SLC22A4: variants seen among roughly 807,000 people sequenced by gnomAD.
SLC22A4 encodes solute carrier family 22 member 4, also known as ET transporter.
Under a neutral mutation model 56.6 loss-of-function variants are expected in SLC22A4, and 39 were observed. That is an observed-to-expected ratio of 0.69 (90% CI 0.53 to 0.90). The LOEUF is 0.90. Ranked by LOEUF, SLC22A4 falls within the 40% of genes least tolerant of loss-of-function variation. SLC22A4 has a pLI of 0.00. For missense variants in SLC22A4, 594 were observed against 696.5 expected, an observed-to-expected ratio of 0.85 and a Z score of 1.66; for synonymous variants, 241 against 281.4, an observed-to-expected ratio of 0.86 and a Z score of 1.44.
intron 1 of SLC22A4, among the ~76,000 whole-genome samples, chr5:132,299,686 T>C (rs1048156275): frequency 6.6e-6 from 1 of 152,190 alleles, no homozygotes; most frequent in Non-Finnish European, 1.5e-5. Flanking sequence ...ACTCCTGACC[T>C]AAGGTGATCC....
At chr5:132,296,620 A>T (rs1240334467) in intron 1 of SLC22A4, among the ~76,000 whole-genome samples, 1 of 152,212 alleles carries the variant, frequency 6.6e-6, no homozygotes, top group Admixed American at 6.5e-5. Context: ...TAAGGTGGCC[A>T]TGCTTCTCTG....
rs1055472735 is a variant in SLC22A4, at chr5:132,301,992, G to T, written c.393+6983G>T. On this transcript the variant is annotated intron_variant, in intron 1 of 9. Coordinates refer to ENST00000200652, the MANE Select transcript of SLC22A4 (RefSeq NM_003059.3). ...GGGGGCCTCTGGCTCCAGCCAGCCC[G>T]GCGAGACTTCTATTTCCAGTCAATG... 1.3e-5 allele frequency among the ~76,000 whole-genome samples: 2 copies of T among 152,224 alleles called. 1 individual carries two copies. The highest frequency in any genetic ancestry group is 4.1e-4 in the South Asian group (2 of 4,834).
chr5:132,322,091 G>T, intron 3 of SLC22A4, 93 bp from the exon 4 acceptor site: 1 of 1,146,974 alleles, frequency 8.7e-7, no homozygotes, highest in Non-Finnish European at 1.3e-6. Context: ...TTTCTAAGTG[G>T]TGATAGTTTG....
At chr5:132,342,425 T>C (rs762506924) in intron 9 of SLC22A4, among the ~76,000 whole-genome samples, 3 of 152,234 alleles carry the variant, frequency 2.0e-5, no homozygotes, top group Non-Finnish European at 4.4e-5. Context: ...TTTTGGCTTA[T>C]GAGATTGCGC....
chr5:132,339,475 TAC>T (rs58759726), intron 8 of SLC22A4, among the ~76,000 whole-genome samples: 84 of 146,552 alleles, frequency 5.7e-4, no homozygotes, highest in South Asian at 1.5e-3. Flanking sequence ...GGTACACACG[TAC>T]ACACACACAC....
chr5:132,306,387 ATATAT>A (rs1750032778), intron 1 of SLC22A4, among the ~76,000 whole-genome samples: 3 of 21,160 alleles, frequency 1.4e-4, no homozygotes, highest in African/African-American at 7.5e-4. Flanking sequence ...ACCGTGAAAT[ATATAT>A]ATATATATAT....
chr5:132,318,702 C>A (rs892081756), intron 3 of SLC22A4, among the ~76,000 whole-genome samples: 1 of 152,112 alleles, frequency 6.6e-6, no homozygotes, highest in Non-Finnish European at 1.5e-5. Context: ...GGGCAATACT[C>A]CTAGGGCTAT....
chr5:132,313,094 G>C (rs1334089673), intron 2 of SLC22A4, among the ~76,000 whole-genome samples: 1 of 152,188 alleles, frequency 6.6e-6, no homozygotes, highest in African/African-American at 2.4e-5. Context: ...TACTCATCTG[G>C]GAAACTTTCC....
chr5:132,327,419 T>C lies in SLC22A4; in HGVS notation c.951+16T>C. The C allele has an allele frequency of 6.2e-7, 1 of 1,607,218 alleles. No homozygotes were observed. The highest frequency in any genetic ancestry group is 8.5e-7 in the Non-Finnish European group (1 of 1,173,796). ...TTCTGTGGAGGTAAGCATTTGCAGA[T>C]GTTTCCTCTTGAGATCAGCTATGCA... On this transcript the variant is annotated intron_variant, in intron 5 of 9. Coordinates refer to ENST00000200652, the MANE Select transcript of SLC22A4 (RefSeq NM_003059.3).
chr5:132,333,950 C>T (rs1750940702), intron 6 of SLC22A4, among the ~76,000 whole-genome samples: 1 of 152,124 alleles, frequency 6.6e-6, no homozygotes, highest in Non-Finnish European at 1.5e-5. Flanking sequence ...GGATTATAGG[C>T]ACATGCCACC....
chr5:132,331,922 G>T (rs1454239349), intron 6 of SLC22A4, 72 bp downstream of exon 6: 7 of 958,110 alleles, frequency 7.3e-6, no homozygotes, highest in African/African-American at 1.6e-5. Flanking sequence ...TAACTCAGAG[G>T]AACATTATGA....
chr5:132,333,412 C>T (rs140843742), intron 6 of SLC22A4, among the ~76,000 whole-genome samples: 263 of 152,316 alleles, frequency 1.7e-3, no homozygotes, highest in South Asian at 6.4e-3. Flanking sequence ...GGGGAGGACG[C>T]GAGCAGGTGA....
chr5:132,322,369 G>T lies in SLC22A4; in HGVS notation c.824+14G>T. Reference sequence around the variant, plus strand: ...CCCGCTGTGGTGGTGAGTGTGACTCGTCCCCAGACAGGCCCTCTGCTGCGG... The same window carrying T: ...CCCGCTGTGGTGGTGAGTGTGACTCTTCCCCAGACAGGCCCTCTGCTGCGG... On this transcript the variant is annotated intron_variant, in intron 4 of 9. Coordinates refer to ENST00000200652, the MANE Select transcript of SLC22A4 (RefSeq NM_003059.3). 6.2e-7 allele frequency: 1 copy of T among 1,612,178 alleles called. No individual in the cohort carries two copies. The highest frequency in any genetic ancestry group is 8.5e-7 in the Non-Finnish European group (1 of 1,179,218).
intron 2 of SLC22A4, 117 bp from the exon 3 acceptor site, chr5:132,313,497 A>G: frequency 1.1e-6 from 1 of 921,390 alleles, no homozygotes; most frequent in Non-Finnish European, 1.8e-6. Context: ...TGACAGAGAA[A>G]AAAGTCTGCC....
chr5:132,295,836 G>A (rs1404910713), intron 1 of SLC22A4, among the ~76,000 whole-genome samples: 1 of 152,256 alleles, frequency 6.6e-6, no homozygotes, highest in Non-Finnish European at 1.5e-5. Context: ...TTTCCCTGCT[G>A]CTAGTCCCTC....
At chr5:132,313,859 C>T (rs1396014888) in intron 3 of SLC22A4, 91 bp downstream of exon 3, 1 of 1,362,308 alleles carries the variant, frequency 7.3e-7, no homozygotes, top group East Asian at 2.3e-5. Context: ...GGCTGTGCTT[C>T]CAAAGCCTTT....
chr5:132,300,585 CTTATT>C (rs1749886746), intron 1 of SLC22A4, among the ~76,000 whole-genome samples: 1 of 152,208 alleles, frequency 6.6e-6, no homozygotes, highest in African/African-American at 2.4e-5. Flanking sequence ...TTCATACATA[CTTATT>C]TTATTTCATC....
chr5:132,328,830 TATATATATACACAC>T (rs1288649117), intron 5 of SLC22A4, among the ~76,000 whole-genome samples: 1 of 24,736 alleles, frequency 4.0e-5, no homozygotes, highest in Admixed American at 4.5e-4. Flanking sequence ...CCTTTATATA[TATATATATACACAC>T]ACACACACAC....
intron 5 of SLC22A4, among the ~76,000 whole-genome samples, chr5:132,328,838 T>TACAC (rs200357854): frequency 2.2e-4 from 30 of 138,674 alleles, no homozygotes; most frequent in South Asian, 9.3e-4. Flanking sequence ...TATATATATA[T>TACAC]ACACACACAC....
Sources: gnomAD v4.1 joint callset for allele counts (sites outside exome capture counted in the v4.1 genomes callset) on GRCh38, gnomAD v4.1.1 for gene constraint, MANE v1.5 for transcripts, NCBI Gene and HGNC (gene_info 2026-07-23, HGNC 2026-07-21) for gene names.